GNB1L: variants seen among roughly 807,000 people sequenced by gnomAD.
GNB1L encodes guanine nucleotide-binding protein subunit beta-like protein 1.
GNB1L carries 20 observed loss-of-function variants against 29.1 expected under a neutral mutation model. The ratio of observed to expected loss-of-function variants is 0.69; its 90% CI spans 0.48 to 1.00. The LOEUF is 1.00. GNB1L is among the 50% of genes least tolerant of loss of function. The probability of loss-of-function intolerance (pLI) is 0.00; values close to 1 mark genes in which losing one functional copy is unlikely to be tolerated. For missense variants in GNB1L, 421 were observed against 464.9 expected (o/e 0.91, Z 0.87); for synonymous variants, 193 against 206.5 (o/e 0.93, Z 0.56).
intron 7 of GNB1L, chr22:19,792,478 G>C (rs938261076): frequency 2.2e-5 from 35 of 1,578,536 alleles, no homozygotes; most frequent in Non-Finnish European, 2.8e-5. Context: ...CGCTATATCA[G>C]GTTGCAGCGG....
At chr22:19,827,466 C>T (rs1385590409) in intron 2 of GNB1L, among the ~76,000 whole-genome samples, 2 of 152,098 alleles carry the variant, frequency 1.3e-5, no homozygotes, top group African/African-American at 4.8e-5. Flanking sequence ...ACACTGGACT[C>T]GTATCCAGAA....
chr22:19,847,744 A>G (rs945689599), intron 2 of GNB1L: 62 of 972,762 alleles, frequency 6.4e-5, no homozygotes, highest in Non-Finnish European at 7.3e-5. Context: ...GAGAAGGTCC[A>G]CTTCTCCATA....
At chr22:19,831,686 G>C (rs1937682893) in intron 2 of GNB1L, among the ~76,000 whole-genome samples, 1 of 149,382 alleles carries the variant, frequency 6.7e-6, no homozygotes, top group Admixed American at 6.7e-5. Context: ...GTGAGACTCT[G>C]CCTCAAAAAA....
chr22:19,812,135 C>T (rs571927071), intron 5 of GNB1L, 150 bp downstream of exon 5: 18 of 766,006 alleles, frequency 2.3e-5, no homozygotes, highest in Admixed American at 1.7e-4. Flanking sequence ...CAGGCCTAGC[C>T]GGCTGTGCAT....
chr22:19,850,224 G>A (rs1743374180), intron 2 of GNB1L: 1 of 985,730 alleles, frequency 1.0e-6, no homozygotes, highest in Non-Finnish European at 1.2e-6. Context: ...GGCAGCCACT[G>A]CACCACCTCA....
chr22:19,798,937 C>T (rs739372), intron 7 of GNB1L, among the ~76,000 whole-genome samples: 3,418 of 152,272 alleles, frequency 0.022, 143 homozygotes, highest in African/African-American at 0.079. Context: ...AACATGTCCA[C>T]GCCCTGCACA....
At chr22:19,808,517 C>G (rs968597290) in intron 5 of GNB1L, among the ~76,000 whole-genome samples, 6 of 152,194 alleles carry the variant, frequency 3.9e-5, no homozygotes, top group Non-Finnish European at 7.3e-5. Context: ...GAGGGTAAAA[C>G]AGAGGTCTCT....
intron 2 of GNB1L, chr22:19,848,131 T>C (rs1938009450): frequency 4.1e-6 from 4 of 984,372 alleles, no homozygotes; most frequent in African/African-American, 1.8e-5. Flanking sequence ...TCCTTAGTAC[T>C]TCCTATTTTA....
intron 7 of GNB1L, among the ~76,000 whole-genome samples, chr22:19,796,832 G>C (rs1296728036): frequency 6.6e-6 from 1 of 152,160 alleles, no homozygotes; most frequent in East Asian, 1.9e-4. Flanking sequence ...CAACCCAGGG[G>C]ACATGGGATG....
chr22:19,788,372 G>T lies in GNB1L; in HGVS notation c.*337C>A. The T allele has an allele frequency of 1.7e-6, 1 of 581,696 alleles. No individual in the cohort carries two copies. The highest frequency in any genetic ancestry group is 3.1e-6 in the Non-Finnish European group (1 of 326,960). 36.0% of individuals were successfully genotyped at this position (581,696 alleles called of 1,614,324 possible). ...TCTGAGGGCACTGATGCTAAGTGGG[G>T]GACCAGGGCCTCCTCAGGGAGCTCC... On this transcript the variant is annotated 3_prime_UTR_variant, in exon 8 of 8. Coordinates refer to ENST00000329517, the MANE Select transcript of GNB1L (RefSeq NM_053004.3).
At chr22:19,817,758 C>A (rs1937542023) in intron 4 of GNB1L, among the ~76,000 whole-genome samples, 2 of 152,248 alleles carry the variant, frequency 1.3e-5, no homozygotes, top group Admixed American at 6.5e-5. Flanking sequence ...CTCAGGGATT[C>A]AGAGGCTCGG....
At chr22:19,825,379 G>A (rs1435612444) in intron 2 of GNB1L, among the ~76,000 whole-genome samples, 2 of 152,216 alleles carry the variant, frequency 1.3e-5, no homozygotes, top group African/African-American at 2.4e-5. Context: ...CAGCACTTTG[G>A]GAGGCCGAGG....
intron 4 of GNB1L, 90 bp from the exon 5 acceptor site, chr22:19,812,537 T>C: frequency 1.6e-6 from 2 of 1,279,138 alleles, no homozygotes; most frequent in East Asian, 2.5e-5. Context: ...CAAGGCCATG[T>C]TTCCAGAGAG....
chr22:19,852,404 G>A (rs1053889483), intron 2 of GNB1L: 2 of 849,058 alleles, frequency 2.4e-6, no homozygotes, highest in South Asian at 1.8e-5. Flanking sequence ...AAGTGCTGAG[G>A]ATCAGGGAGC....
intron 2 of GNB1L, among the ~76,000 whole-genome samples, chr22:19,831,747 A>G (rs1937683983): frequency 6.6e-6 from 1 of 151,864 alleles, no homozygotes; most frequent in African/African-American, 2.4e-5. Context: ...TTTGCATGTC[A>G]AAAGAAATTT....
rs1020484313 is a variant in GNB1L at position 19,848,110 on chromosome 22, A to T, written c.-21+6333T>A. 5.1e-6 allele frequency: 5 copies of T among 984,856 alleles called. No homozygotes were observed. The African/African-American group carries it at 8.8e-5, about 17-fold the overall frequency. 61.0% of individuals were successfully genotyped at this position (984,856 alleles called of 1,614,324 possible). ...GCTTTATAAAATATTCCAATATCCC[A>T]TAGGACCTTATCCTTAGTACTTCCT... is the stretch of plus-strand genomic sequence containing the variant. On this transcript the variant is annotated intron_variant, in intron 2 of 7. Transcript: ENST00000329517.
chr22:19,811,084 CCT>C lies in GNB1L; in HGVS notation c.417+1199_417+1200del, dbSNP rs1424534067. Among the ~76,000 whole-genome samples, 5 of 152,208 alleles carry C rather than the reference CCT, an allele frequency of 3.3e-5. No individual in the cohort carries two copies. In the East Asian group the frequency reaches 9.6e-4, roughly 29 times the overall value. On this transcript the variant is annotated intron_variant, in intron 5 of 7. Coordinates refer to ENST00000329517, the MANE Select transcript of GNB1L (RefSeq NM_053004.3). Reference sequence around the variant, plus strand: ...TGGGTCCCGGGGGAGGAAGCACGCCCCTCTTTCTCACATAAATACAACTTGTA... The same window carrying C: ...TGGGTCCCGGGGGAGGAAGCACGCCCCTTTCTCACATAAATACAACTTGTA...
chr22:19,812,297 C>T lies in GNB1L; in HGVS notation c.405G>A (p.Arg135=), dbSNP rs1300127713. The change falls in exon 5 of 8, where the codon AGG becomes AGA. Residue 135 remains arginine (R), a synonymous_variant. Coordinates refer to ENST00000329517, the MANE Select transcript of GNB1L (RefSeq NM_053004.3). Reference sequence around the variant, plus strand: ...GGCTGGCTCTCACCTCGTCGCTGCCCCTCCCTGGCACGGCAAGCGTCCAGC... The same window carrying T: ...GGCTGGCTCTCACCTCGTCGCTGCCTCTCCCTGGCACGGCAAGCGTCCAGC... ...QPRWTLAVPG[R]GSDEVQILEM... is the part of the protein sequence containing the mutation. The T allele has an allele frequency of 6.2e-7, 1 of 1,612,476 alleles. No individual in the cohort carries two copies. The highest frequency in any genetic ancestry group is 2.2e-5 in the East Asian group (1 of 44,878).
rs112264231 is a variant in GNB1L at position 19,854,268 on chromosome 22, A to G, written c.-21+175T>C. On this transcript the variant is annotated intron_variant, in intron 2 of 7. Coordinates refer to ENST00000329517, the MANE Select transcript of GNB1L (RefSeq NM_053004.3). ...TTGCCCCCACAAGGCCAAAGGCAGC[A>G]CCTGGAACGCTGGAGCCGTTCTCTG... Among the ~76,000 whole-genome samples, 332 of 152,310 alleles carry G rather than the reference A, an allele frequency of 2.2e-3. 4 individuals are homozygous for G. Among genetic ancestry groups the G allele is most frequent in the African/African-American group, 7.6e-3 (315 of 41,566 alleles).
Sources: gnomAD v4.1 joint callset for allele counts (sites outside exome capture counted in the v4.1 genomes callset) on GRCh38, gnomAD v4.1.1 for gene constraint, MANE v1.5 for transcripts, NCBI Gene and HGNC (gene_info 2026-07-23, HGNC 2026-07-21) for gene names.